ATG7: variants seen among roughly 807,000 people sequenced by gnomAD.
ATG7 encodes the protein autophagy related 7.
Under a neutral mutation model 82.4 loss-of-function variants are expected in ATG7, and 70 were observed. That is an observed-to-expected ratio of 0.85 (90% confidence interval 0.70 to 1.04). The LOEUF (loss-of-function observed/expected upper bound fraction) is 1.04, where lower values mean the gene tolerates loss of function less well. Among genes scored for constraint, ATG7 ranks in the 50% least tolerant of loss-of-function variants. The pLI is 0.00. For missense variants in ATG7, 792 were observed against 864.3 expected, an observed-to-expected ratio of 0.92 and a Z score of 1.05; for synonymous variants, 287 against 313.0, an observed-to-expected ratio of 0.92 and a Z score of 0.88.
chr3:11,356,159 G>A (rs894603535), intron 14 of ATG7, among the ~76,000 whole-genome samples: 3 of 152,158 alleles, frequency 2.0e-5, no homozygotes, highest in Non-Finnish European at 4.4e-5. Context: ...AGTGGGGACC[G>A]ACTGAGGGGG....
intron 20 of ATG7, among the ~76,000 whole-genome samples, chr3:11,441,036 A>G (rs2083898002): frequency 1.3e-5 from 2 of 152,192 alleles, no homozygotes; most frequent in South Asian, 4.1e-4. Flanking sequence ...TTAAACTAGA[A>G]ATATTTATAT....
chr3:11,541,038 T>C (rs549470164), intron 20 of ATG7, among the ~76,000 whole-genome samples: 9 of 151,982 alleles, frequency 5.9e-5, no homozygotes, highest in African/African-American at 1.7e-4. Context: ...TAGCTGGGAC[T>C]ACAGGTGCCC....
In ATG7 at chr3:11,482,941, C is replaced by G. The variant is rs887336082; in HGVS notation, c.2079+56015C>G. On this transcript the variant is annotated intron_variant, in intron 20 of 20. Transcript: ENST00000693202. ...CATTTCCAGGACTTGAGAAGCCCCC[C>G]CTTGAGCCCCTTACAGTCAGTACCC... Among the ~76,000 whole-genome samples, 17 of 152,026 alleles carry G rather than the reference C, an allele frequency of 1.1e-4. 1 individual carries two copies. In the South Asian group the frequency reaches 1.5e-3, roughly 13 times the overall value.
At chr3:11,294,343 C>T (rs1457022126) in intron 3 of ATG7, among the ~76,000 whole-genome samples, 1 of 152,004 alleles carries the variant, frequency 6.6e-6, no homozygotes, top group Non-Finnish European at 1.5e-5. Context: ...GCCTCAGCCT[C>T]CCAAGTAGCT....
intron 19 of ATG7, among the ~76,000 whole-genome samples, chr3:11,416,488 G>T (rs2081384416): frequency 6.6e-6 from 1 of 151,948 alleles, no homozygotes; most frequent in Non-Finnish European, 1.5e-5. Context: ...CAAATTTCTA[G>T]ATACGGAGTT....
intron 18 of ATG7, among the ~76,000 whole-genome samples, chr3:11,372,019 T>G (rs1181640070): frequency 6.6e-6 from 1 of 151,446 alleles, no homozygotes; most frequent in Non-Finnish European, 1.5e-5. Context: ...ATTCTGATGC[T>G]TTTTGCATGC....
intron 20 of ATG7, among the ~76,000 whole-genome samples, chr3:11,487,728 C>T (rs868005742): frequency 8.8e-4 from 3 of 3,410 alleles, no homozygotes; most frequent in African/African-American, 3.6e-3. Context: ...GGCGGCTGGC[C>T]GGGCGGGGGG....
intron 3 of ATG7, among the ~76,000 whole-genome samples, chr3:11,287,119 G>A (rs574664048): frequency 1.2e-4 from 19 of 152,222 alleles, no homozygotes; most frequent in Non-Finnish European, 1.0e-4. Context: ...ACTCACAAGG[G>A]ATTAGGGACA....
intron 3 of ATG7, among the ~76,000 whole-genome samples, chr3:11,297,514 G>A (rs1035621346): frequency 6.6e-6 from 1 of 152,102 alleles, no homozygotes; most frequent in African/African-American, 2.4e-5. Flanking sequence ...TCAAACTGGG[G>A]TATGTTACCC....
At chr3:11,495,973 C>T (rs969473576) in intron 20 of ATG7, among the ~76,000 whole-genome samples, 11 of 152,196 alleles carry the variant, frequency 7.2e-5, no homozygotes, top group Admixed American at 2.0e-4. Context: ...GTCACGCTAG[C>T]ATTTCCAGGC....
intron 20 of ATG7, among the ~76,000 whole-genome samples, chr3:11,476,156 C>T (rs1205400766): frequency 1.3e-5 from 2 of 152,186 alleles, no homozygotes; most frequent in African/African-American, 2.4e-5. Flanking sequence ...AAAGCTGGAC[C>T]TCAAAACTGA....
At chr3:11,478,099 G>A (rs1371786424) in intron 20 of ATG7, among the ~76,000 whole-genome samples, 1 of 152,152 alleles carries the variant, frequency 6.6e-6, no homozygotes, top group East Asian at 1.9e-4. Flanking sequence ...CCTGTGGGTA[G>A]GGCAAGGAAG....
At chr3:11,485,392 G>T (rs1413257803) in intron 20 of ATG7, among the ~76,000 whole-genome samples, 3 of 152,100 alleles carry the variant, frequency 2.0e-5, no homozygotes, top group African/African-American at 7.2e-5. Flanking sequence ...GGGGTTGTTT[G>T]TTTTTTTCTT....
rs564038085 is a variant in ATG7 at position 11,349,096 on chromosome 3, CACAGAGTGCTGATTGGTGTGTTTTT to C, written c.1284+1080_1284+1104del. ...GTGCGTTTACAGTCCTCTAGCTAGA[CACAGAGTGCTGATTGGTGTGTTTTT>C]ACAGAGTGCTGATTGGTGCATTTAC... On this transcript the variant is annotated intron_variant, in intron 14 of 20. Transcript: ENST00000693202. Among the ~76,000 whole-genome samples the C allele has an allele frequency of 1.3e-4, 20 of 152,176 alleles. No individual in the cohort carries two copies. The South Asian group carries it at 3.5e-3, about 27-fold the overall frequency.
Position 11,362,977 on chromosome 3 carries a change from A to G in ATG7, c.1799+49A>G, listed in dbSNP as rs2152815490. 5 of 1,522,948 alleles carry G rather than the reference A, an allele frequency of 3.3e-6. No homozygotes were observed. In the South Asian group the frequency reaches 3.5e-5, roughly 11 times the overall value. 94.3% of individuals were successfully genotyped at this position (1,522,948 alleles called of 1,614,324 possible). On this transcript the variant is annotated intron_variant, in intron 17 of 20. Transcript: ENST00000693202. ...GTATTTAAACAAAGCTTTTGTAGGC[A>G]GTTGTTCATCAGTGTCTCCCATGGC...
intron 20 of ATG7, among the ~76,000 whole-genome samples, chr3:11,504,534 G>GC (rs2091572015): frequency 6.6e-6 from 1 of 152,228 alleles, no homozygotes; most frequent in South Asian, 2.1e-4. Flanking sequence ...TGGCAGCTGG[G>GC]CCTGAAGCAC....
chr3:11,361,286 C>CTTT (rs760437157), intron 16 of ATG7, among the ~76,000 whole-genome samples: 2 of 139,096 alleles, frequency 1.4e-5, no homozygotes, highest in Non-Finnish European at 3.2e-5. Flanking sequence ...ATAATGAATT[C>CTTT]TTTTTTTTTT....
At chr3:11,373,476 C>T (rs1443761617) in intron 18 of ATG7, among the ~76,000 whole-genome samples, 1 of 152,158 alleles carries the variant, frequency 6.6e-6, no homozygotes, top group Non-Finnish European at 1.5e-5. Flanking sequence ...TGATGGGAAC[C>T]ACCTGGAGCT....
intron 20 of ATG7, among the ~76,000 whole-genome samples, chr3:11,463,236 T>C (rs2086517852): frequency 6.6e-6 from 1 of 152,152 alleles, no homozygotes; most frequent in African/African-American, 2.4e-5. Flanking sequence ...CCCTAACTAC[T>C]ACTGACTTCA....
Sources: gnomAD v4.1 joint callset for allele counts (sites outside exome capture counted in the v4.1 genomes callset) on GRCh38, gnomAD v4.1.1 for gene constraint, MANE v1.5 for transcripts, NCBI Gene and HGNC (gene_info 2026-07-23, HGNC 2026-07-21) for gene names.